Variants in DMD observed in about 807,000 individuals in gnomAD.
The protein encoded by DMD is mutant dystrophin.
In DMD, 63 loss-of-function variants were observed where a neutral mutation model predicts 330.1. That is an observed-to-expected ratio of 0.19 (90% CI 0.16 to 0.24). The LOEUF is 0.24. Among genes scored for constraint, DMD ranks in the 10% least tolerant of loss-of-function variants. The pLI is 1.00. For synonymous variants in DMD, 1,223 were observed against 959.8 expected (o/e 1.27, Z -5.07); for missense variants, 3,344 against 2,684.1 (o/e 1.25, Z -5.43).
chrX:32,979,762 T>C (rs1033625026), intron 2 of DMD, among the ~76,000 whole-genome samples: 7 of 111,759 alleles, frequency 6.3e-5, no homozygotes, highest in Non-Finnish European at 1.1e-4. Flanking sequence ...ATGGGAGAAG[T>C]AGTCTCATAT....
At chrX:31,566,298 T>C (rs2075460488) in intron 55 of DMD, among the ~76,000 whole-genome samples, 2 of 111,978 alleles carry the variant, frequency 1.8e-5, no homozygotes, top group Non-Finnish European at 1.9e-5. Context: ...TGAAGTTCTT[T>C]TTTTTTCCCA....
intron 9 of DMD, among the ~76,000 whole-genome samples, chrX:32,650,403 T>A (rs1188932170): frequency 9.0e-6 from 1 of 111,616 alleles, no homozygotes; most frequent in Non-Finnish European, 1.9e-5. Flanking sequence ...GGATGGTGAA[T>A]TTTTTGGTGT....
Position 31,478,302 on chromosome X carries a change from T to A in DMD, c.8741A>T (p.Glu2914Val), listed in dbSNP as rs148950131. 2.5e-6 allele frequency: 3 copies of A among 1,211,452 alleles called. No homozygotes were observed. Among genetic ancestry groups the A allele is most frequent in the African/African-American group, 3.5e-5 (2 of 57,728 alleles). The change falls in exon 59 of 79, where the codon GAG becomes GTG. Residue 2914 changes from glutamate (E) to valine (V), a missense_variant. Glu to Val is a moderately radical substitution (Grantham distance 121). Coordinates refer to ENST00000357033, the MANE Select transcript of DMD (RefSeq NM_004006.3). ...GGAGTGCAGGTTCAATTTTTCCCACTCAGTATTGACCTCCTCAGCCTGCTT... is the reference window on the plus strand; with the variant it reads ...GGAGTGCAGGTTCAATTTTTCCCACACAGTATTGACCTCCTCAGCCTGCTT... ...LRKQAEEVNT[E>V]WEKLNLHSAD...
At chrX:32,218,584 A>G (rs2097121926) in intron 43 of DMD, among the ~76,000 whole-genome samples, 1 of 112,221 alleles carries the variant, frequency 8.9e-6, no homozygotes, top group African/African-American at 3.2e-5. Context: ...AAATTGCTAC[A>G]TCTGCCTACT....
At chrX:31,511,332 AT>A (rs201623685) in intron 55 of DMD, among the ~76,000 whole-genome samples, 3 of 86,326 alleles carry the variant, frequency 3.5e-5, no homozygotes, top group Admixed American at 1.3e-4. Flanking sequence ...TTATTTATTT[AT>A]TTATTATTAT....
At chrX:32,547,238 T>A (rs1386378762) in intron 16 of DMD, among the ~76,000 whole-genome samples, 1 of 111,327 alleles carries the variant, frequency 9.0e-6, no homozygotes, top group Non-Finnish European at 1.9e-5. Flanking sequence ...AGAACATTTG[T>A]GCTACTAAAA....
At chrX:31,839,316 T>C (rs1347573541) in intron 48 of DMD, among the ~76,000 whole-genome samples, 1 of 112,153 alleles carries the variant, frequency 8.9e-6, no homozygotes, top group Admixed American at 9.5e-5. Context: ...TGTTCACTCA[T>C]ATCCCTGGAA....
chrX:32,186,059 CT>C lies in DMD; in HGVS notation c.6438+30856del, dbSNP rs977605497. Among the ~76,000 whole-genome samples, 32 of 110,568 alleles carry C rather than the reference CT, an allele frequency of 2.9e-4. 1 individual carries two copies. Among genetic ancestry groups the C allele is most frequent in the Non-Finnish European group, 1.1e-4 (6 of 52,587 alleles). On this transcript the variant is annotated intron_variant, in intron 44 of 78. Coordinates refer to ENST00000357033, the MANE Select transcript of DMD (RefSeq NM_004006.3). Reference sequence around the variant, plus strand: ...AACCTCAGAAGGCAAGTAAACTGACCTTTTAAATGAACAAGATCTGACATGA... The same window carrying C: ...AACCTCAGAAGGCAAGTAAACTGACCTTTAAATGAACAAGATCTGACATGA...
At chrX:33,023,776 G>A (rs1392438829) in intron 1 of DMD, among the ~76,000 whole-genome samples, 1 of 110,949 alleles carries the variant, frequency 9.0e-6, no homozygotes, top group Non-Finnish European at 1.9e-5. Flanking sequence ...TGAAAATAAT[G>A]AACCTTCTCT....
intron 60 of DMD, among the ~76,000 whole-genome samples, chrX:31,408,619 G>C (rs1040809589): frequency 9.0e-6 from 1 of 111,162 alleles, no homozygotes; most frequent in African/African-American, 3.3e-5. Flanking sequence ...GGCTGGTCTC[G>C]AAGTCCTGAC....
intron 27 of DMD, among the ~76,000 whole-genome samples, chrX:32,446,534 A>T (rs2098305712): frequency 9.0e-6 from 1 of 110,735 alleles, no homozygotes; most frequent in Non-Finnish European, 1.9e-5. Context: ...ACTCAAGGAA[A>T]GAGCAAGAAA....
At chrX:31,762,287 C>T (rs1272715027) in intron 51 of DMD, among the ~76,000 whole-genome samples, 1 of 109,927 alleles carries the variant, frequency 9.1e-6, no homozygotes, top group Non-Finnish European at 1.9e-5. Flanking sequence ...GAAAAAAAGT[C>T]TTGCTGGGCA....
intron 7 of DMD, among the ~76,000 whole-genome samples, chrX:32,731,240 G>C (rs1037936684): frequency 8.9e-6 from 1 of 112,343 alleles, no homozygotes; most frequent in African/African-American, 3.2e-5. Flanking sequence ...ATTATATCCT[G>C]CATCTGGCTC....
intron 12 of DMD, among the ~76,000 whole-genome samples, chrX:32,611,881 A>G (rs2057202305): frequency 8.9e-6 from 1 of 111,986 alleles, no homozygotes; most frequent in Non-Finnish European, 1.9e-5. Context: ...CACTAGAAAC[A>G]AACTCACTCT....
intron 42 of DMD, among the ~76,000 whole-genome samples, chrX:32,289,669 C>A (rs2097458363): frequency 9.0e-6 from 1 of 111,488 alleles, no homozygotes; most frequent in South Asian, 3.8e-4. Flanking sequence ...GCTCATTATA[C>A]ACTAATTATA....
At chrX:31,853,438 A>C (rs2093564834) in intron 48 of DMD, among the ~76,000 whole-genome samples, 1 of 112,233 alleles carries the variant, frequency 8.9e-6, no homozygotes, top group South Asian at 3.7e-4. Context: ...GTGTTGTTGG[A>C]AATAATCAGT....
chrX:33,048,319 C>T (rs935705859), intron 1 of DMD, among the ~76,000 whole-genome samples: 3 of 111,527 alleles, frequency 2.7e-5, no homozygotes, highest in African/African-American at 6.5e-5. Flanking sequence ...TAGAGCCTTA[C>T]GTAGTCGTAA....
intron 44 of DMD, among the ~76,000 whole-genome samples, chrX:31,970,382 A>G (rs2095388245): frequency 9.0e-6 from 1 of 110,795 alleles, no homozygotes; most frequent in Non-Finnish European, 1.9e-5. Context: ...AAATAAGCAC[A>G]ATTTTCTAGG....
intron 44 of DMD, among the ~76,000 whole-genome samples, chrX:32,008,802 A>T (rs1374714477): frequency 3.6e-5 from 4 of 111,459 alleles, no homozygotes; most frequent in African/African-American, 1.3e-4. Flanking sequence ...TGTGGAGTCT[A>T]CATAGAGGAA....
Sources: allele counts gnomAD v4.1 joint callset (sites outside exome capture counted in the v4.1 genomes callset), GRCh38; gene constraint gnomAD v4.1.1; transcripts MANE v1.5; gene names NCBI Gene and HGNC (gene_info 2026-07-23, HGNC 2026-07-21).